AURKAIP1: variants seen among roughly 807,000 people sequenced by gnomAD.
AURKAIP1 encodes the protein aurora kinase A interacting protein 1, also known as small ribosomal subunit protein bS22, mitochondrial.
AURKAIP1 carries 20 observed loss-of-function variants against 18.4 expected under a neutral mutation model. The ratio of observed to expected loss-of-function variants is 1.09; its 90% CI spans 0.77 to 1.58. AURKAIP1 has a LOEUF of 1.58. Ranked by LOEUF, AURKAIP1 falls within the 40% of genes most tolerant of loss-of-function variation. The pLI, the probability that AURKAIP1 is intolerant of heterozygous loss-of-function variation, is 0.00. For missense variants in AURKAIP1, 319 were observed against 270.7 expected, an observed-to-expected ratio of 1.18 and a Z score of -1.25; for synonymous variants, 156 against 120.8, an observed-to-expected ratio of 1.29 and a Z score of -1.91.
rs1366506763 is a variant in AURKAIP1, at chr1:1,374,016, C to T, written c.482G>A (p.Arg161His). 1 of 1,608,362 alleles carries T rather than the reference C, an allele frequency of 6.2e-7. No individual in the cohort carries two copies. Residue 161 changes from arginine (R) to histidine (H), a missense_variant, in exon 3 of 4, where the codon CGC (arginine) becomes CAC (histidine). By Grantham distance (29) the Arg-to-His change is conservative (BLOSUM62 0). Transcript: ENST00000338338. The stretch of plus-strand genomic sequence containing the variant: ...GCCACTCACCTGCTTGCGTCTCAGG[C>T]GTCCCTCCTGGACCTTCCTCCGCAG... ...RFLRRKVQEGRLRRKQIKFEK... is the reference protein window; with the variant it reads ...RFLRRKVQEGHLRRKQIKFEK...
intron 2 of AURKAIP1, 73 bp downstream of exon 2, chr1:1,374,632 C>A (rs1031144999): frequency 2.0e-6 from 3 of 1,496,208 alleles, no homozygotes; most frequent in African/African-American, 1.4e-5. Context: ...CGGCCCTGCC[C>A]CAGCGGAGCT....
Position 1,373,989 on chromosome 1 carries a change from G to T in AURKAIP1, c.498+11C>A. On this transcript the variant is annotated intron_variant, in intron 3 of 3. Transcript: ENST00000338338. ...CTTTGCCCTCCCAGGGCCAAGCAGG[G>T]GGCCACTCACCTGCTTGCGTCTCAG... is the stretch of plus-strand genomic sequence containing the variant. 1 of 1,608,498 alleles carries T rather than the reference G, an allele frequency of 6.2e-7. No homozygotes were observed.
At position 1,374,334 on chromosome 1, in the gene AURKAIP1, C is replaced by T; in HGVS notation, c.164G>A (p.Gly55Glu). Reference protein sequence around the residue: ...PGRAASLPRKGAQLELEEMLV... With the variant: ...PGRAASLPRKEAQLELEEMLV... ...CATCTCCTCCAGCTCCAGCTGGGCC[C>T]CCTTGCGAGGGAGAGAGGCCGCCCT... The change falls in exon 3 of 4, where the codon GGG (glycine) becomes GAG (glutamate). Residue 55 changes from glycine to glutamate, a missense_variant. Coordinates refer to ENST00000338338, the MANE Select transcript of AURKAIP1 (RefSeq NM_017900.3). The T allele has an allele frequency of 1.9e-6, 3 of 1,565,994 alleles. No homozygotes were observed. Among genetic ancestry groups the T allele is most frequent in the East Asian group, 2.3e-5 (1 of 44,310 alleles).
Position 1,374,209 on chromosome 1 carries a change from G to A in AURKAIP1, c.289C>T (p.Pro97Ser). The change falls in exon 3 of 4, where the codon CCA (proline) becomes TCA (serine). Residue 97 changes from proline to serine, a missense_variant. By Grantham distance (74) the Pro-to-Ser change is moderately conservative. Transcript: ENST00000338338. ...GGCGGACACTGGTAGGATTGCGGTG[G>A]AGCCACAGTCCCTGCGGTCCCGGTA... ...LDTGTAGTVAPPQSYQCPPSQ... is the reference protein window; with the variant it reads ...LDTGTAGTVASPQSYQCPPSQ... 6.2e-7 allele frequency: 1 copy of A among 1,613,448 alleles called. No homozygotes were observed. Among genetic ancestry groups the A allele is most frequent in the Non-Finnish European group, 8.5e-7 (1 of 1,180,034 alleles).
intron 1 of AURKAIP1, 79 bp from the exon 2 acceptor site, chr1:1,374,869 C>A: frequency 1.1e-6 from 1 of 929,160 alleles, no homozygotes; most frequent in Non-Finnish European, 1.6e-6. Context: ...GGCGTCTGGT[C>A]CCGCCGCGAC....
At chr1:1,374,623 G>A (rs1224288521) in intron 2 of AURKAIP1, 82 bp downstream of exon 2, 9 of 1,465,604 alleles carry the variant, frequency 6.1e-6, no homozygotes, top group African/African-American at 2.8e-5. Context: ...TGTGGCCACC[G>A]GCCCTGCCCC....
rs369927790 is a variant in AURKAIP1 at position 1,374,811 on chromosome 1, C to A, written c.-34-21G>T. On this transcript the variant is annotated intron_variant, in intron 1 of 3. Coordinates refer to ENST00000338338, the MANE Select transcript of AURKAIP1 (RefSeq NM_017900.3). ...GGGAGCTGGAACACAAGTGCCCGTT[C>A]AGGTCAGGCGGCAGCGCCTTCAGTA... is the stretch of plus-strand genomic sequence containing the variant. 2.3e-5 allele frequency: 35 copies of A among 1,522,156 alleles called. No homozygotes were observed. The African/African-American group carries it at 3.6e-4, about 16-fold the overall frequency. The allele number at this position is 1,522,156 out of a possible 1,614,324, so 94.3% of individuals were successfully genotyped here.
Position 1,374,806 on chromosome 1 carries a change from C to T in AURKAIP1, c.-34-16G>A, listed in dbSNP as rs1362823347. The T allele has an allele frequency of 2.6e-6, 4 of 1,529,572 alleles. No homozygotes were observed. The highest frequency in any genetic ancestry group is 3.5e-6 in the Non-Finnish European group (4 of 1,132,600). The allele number at this position is 1,529,572 out of a possible 1,614,324, so 94.8% of individuals were successfully genotyped here. A position where few individuals can be genotyped will look rare whatever the true frequency, so the allele number is the denominator to read the frequency against. On this transcript the variant is annotated splice_polypyrimidine_tract_variant and intron_variant, in intron 1 of 3. Transcript: ENST00000338338. ...CCCAGGGGAGCTGGAACACAAGTGC[C>T]CGTTCAGGTCAGGCGGCAGCGCCTT...
In AURKAIP1 at chr1:1,374,256, C is replaced by A. The variant is rs774329986; in HGVS notation, c.242G>T (p.Arg81Leu). ...VSPLESWLTA[R>L]CFLPRLDTGT... ...GGTATCCAGTCTGGGCAGGAAGCAG[C>A]GGGCCGTGAGCCAGCTCTCCAGGGG... is the stretch of plus-strand genomic sequence containing the variant. Residue 81 changes from arginine to leucine, a missense_variant, in exon 3 of 4, where the codon CGC becomes CTC. Transcript: ENST00000338338. 2.5e-6 allele frequency: 4 copies of A among 1,607,532 alleles called. No individual in the cohort carries two copies. Among genetic ancestry groups the A allele is most frequent in the South Asian group, 2.2e-5 (2 of 90,994 alleles).
Position 1,374,768 on chromosome 1 carries a change from G to C in AURKAIP1, c.-12C>G. The C allele has an allele frequency of 1.3e-6, 2 of 1,553,788 alleles. No individual in the cohort carries two copies. Among genetic ancestry groups the C allele is most frequent in the Admixed American group, 3.9e-5 (2 of 51,534 alleles). On this transcript the variant is annotated 5_prime_UTR_variant, in exon 2 of 4. Coordinates refer to ENST00000338338, the MANE Select transcript of AURKAIP1 (RefSeq NM_017900.3). ...CGCCCCAGGAGCATGGTCTGTGGGC[G>C]GCGGCCACAGGTCCCAGGGGAGCTG...
intron 2 of AURKAIP1, 108 bp downstream of exon 2, chr1:1,374,597 G>A (rs2765036): frequency 2.6e-5 from 36 of 1,403,742 alleles, no homozygotes; most frequent in African/African-American, 2.3e-4. Flanking sequence ...GAAGCTTAGA[G>A]GGGAAAGAGT....
intron 1 of AURKAIP1, 149 bp downstream of exon 1, chr1:1,375,005 C>T: frequency 2.2e-6 from 1 of 464,354 alleles, no homozygotes; most frequent in Non-Finnish European, 3.8e-6. Flanking sequence ...ACCGAAAGGT[C>T]CCAGAACGGG....
At chr1:1,374,610 G>A (rs1315035049) in intron 2 of AURKAIP1, 95 bp downstream of exon 2, 1 of 1,416,240 alleles carries the variant, frequency 7.1e-7, no homozygotes, top group Non-Finnish European at 9.7e-7. Flanking sequence ...GAAAGAGTGT[G>A]TGTGTGGCCA....
rs1224002104 is a variant in AURKAIP1 at position 1,374,452 on chromosome 1, A to T, written c.53-7T>A. 8 of 1,443,476 alleles carry T rather than the reference A, an allele frequency of 5.5e-6. No homozygotes were observed. The highest frequency in any genetic ancestry group is 7.3e-6 in the Non-Finnish European group (8 of 1,102,946). 89.4% of individuals were successfully genotyped at this position (1,443,476 alleles called of 1,614,324 possible). A position where few individuals can be genotyped will look rare whatever the true frequency, so the allele number is the denominator to read the frequency against. On this transcript the variant is annotated splice_polypyrimidine_tract_variant and splice_region_variant and intron_variant, in intron 2 of 3. Transcript: ENST00000338338. The stretch of plus-strand genomic sequence containing the variant: ...GGCCAAGGCGGGCGGCCGCCTGCAG[A>T]AAACCAGACGCCACGGTCACCGCTC...
intron 1 of AURKAIP1, 113 bp downstream of exon 1, chr1:1,375,041 C>T (rs1050612554): frequency 5.4e-6 from 2 of 367,962 alleles, no homozygotes; most frequent in East Asian, 5.4e-5. Flanking sequence ...CCCGGGTTCA[C>T]CCCCGCGCGA....
intron 1 of AURKAIP1, 79 bp from the exon 2 acceptor site, chr1:1,374,869 C>T: frequency 1.1e-6 from 1 of 929,160 alleles, no homozygotes; most frequent in Non-Finnish European, 1.6e-6. Flanking sequence ...GGCGTCTGGT[C>T]CCGCCGCGAC....
At position 1,374,700 on chromosome 1, in the gene AURKAIP1, C is replaced by T; in HGVS notation, c.52+5G>A. ...CCTCCCATCCGCCCCCGCGCGGCTTCCTACCTGCCCAAGGAACGGCCCTCA... is the reference window on the plus strand; with the variant it reads ...CCTCCCATCCGCCCCCGCGCGGCTTTCTACCTGCCCAAGGAACGGCCCTCA... On this transcript the variant is annotated splice_donor_5th_base_variant and intron_variant, in intron 2 of 3. Coordinates refer to ENST00000338338, the MANE Select transcript of AURKAIP1 (RefSeq NM_017900.3). 1 of 1,557,936 alleles carries T rather than the reference C, an allele frequency of 6.4e-7. No individual in the cohort carries two copies. The highest frequency in any genetic ancestry group is 1.9e-5 in the Admixed American group (1 of 52,064).
intron 1 of AURKAIP1, 163 bp from the exon 2 acceptor site, chr1:1,374,953 G>A (rs1644334173): frequency 1.8e-6 from 1 of 545,106 alleles, no homozygotes; most frequent in East Asian, 3.5e-5. Flanking sequence ...CGCGCCCCGA[G>A]GCTCCCAAGC....
Position 1,374,290 on chromosome 1 carries a change from A to C in AURKAIP1, c.208T>G (p.Ser70Ala). Residue 70 changes from serine to alanine, a missense_variant, in exon 3 of 4, where the codon TCC (serine) becomes GCC (alanine). Physicochemically the swap from Ser to Ala is moderately conservative, Grantham distance 99. Coordinates refer to ENST00000338338, the MANE Select transcript of AURKAIP1 (RefSeq NM_017900.3). The stretch of plus-strand genomic sequence containing the variant: ...AGCCAGCTCTCCAGGGGGCTGACGG[A>C]CATCTTCCTGGGGACCAGCATCTCC... ...LEEMLVPRKMSVSPLESWLTA... is the reference protein window; with the variant it reads ...LEEMLVPRKMAVSPLESWLTA... 1 of 1,593,160 alleles carries C rather than the reference A, an allele frequency of 6.3e-7. No homozygotes were observed. Among genetic ancestry groups the C allele is most frequent in the Non-Finnish European group, 8.5e-7 (1 of 1,170,898 alleles).
Sources: allele counts gnomAD v4.1 joint callset, GRCh38; gene constraint gnomAD v4.1.1; transcripts MANE v1.5; gene names NCBI Gene and HGNC (gene_info 2026-07-23, HGNC 2026-07-21).